The following INPP4B variants were observed in gnomAD, a reference collection of about 807,000 sequenced individuals.
INPP4B encodes the protein inositol polyphosphate-4-phosphatase type II B, also known as inositol polyphosphate 4-phosphatase type II.
In INPP4B, 55 loss-of-function variants were observed where a neutral mutation model predicts 122.5. That is an observed-to-expected ratio of 0.45 (90% CI 0.36 to 0.56). The LOEUF (loss-of-function observed/expected upper bound fraction) is 0.56. Ranked by LOEUF, INPP4B falls within the 20% of genes least tolerant of loss-of-function variation. The pLI is 0.00. For synonymous variants in INPP4B, 403 were observed against 388.7 expected, an observed-to-expected ratio of 1.04 and a Z score of -0.43; for missense variants, 1,000 against 1,097.7, an observed-to-expected ratio of 0.91 and a Z score of 1.26.
intron 5 of INPP4B, among the ~76,000 whole-genome samples, chr4:142,406,012 C>T (rs1462127996): frequency 1.3e-5 from 2 of 152,172 alleles, no homozygotes; most frequent in African/African-American, 4.8e-5. Context: ...CGCCACCATA[C>T]CATATTTACT....
At chr4:142,505,564 A>G (rs1164885183) in intron 2 of INPP4B, among the ~76,000 whole-genome samples, 2 of 150,610 alleles carry the variant, frequency 1.3e-5, no homozygotes, top group East Asian at 3.9e-4. Flanking sequence ...AAATGCAACA[A>G]TGTAATTAAA....
At position 142,554,200 on chromosome 4, in the gene INPP4B, A is replaced by AAAAAAG. The variant is rs1553958063; in HGVS notation, c.-190-91480_-190-91475dup. 2.3e-3 allele frequency among the ~76,000 whole-genome samples: 324 copies of AAAAAAG among 137,892 alleles called. 3 individuals carry two copies. Among genetic ancestry groups the AAAAAAG allele is most frequent in the Middle Eastern group, 4.0e-3 (1 of 248 alleles). 90.5% of individuals were successfully genotyped at this position (137,892 alleles called of 152,430 possible). ...TGAAACTCCATCTCAAAAAAAAAAA[A>AAAAAAG]AAAAAGAAAAAGAAAAAAGCCAGAG... On this transcript the variant is annotated intron_variant, in intron 2 of 25. Transcript: ENST00000262992.
chr4:142,548,802 G>A (rs6826090), intron 2 of INPP4B, among the ~76,000 whole-genome samples: 89,816 of 151,502 alleles, frequency 0.59, 28,061 homozygotes, highest in Non-Finnish European at 0.7. Context: ...TTAATTTAAC[G>A]TTTTGACAGA....
At chr4:142,693,015 A>G (rs528157601) in intron 2 of INPP4B, among the ~76,000 whole-genome samples, 2 of 152,200 alleles carry the variant, frequency 1.3e-5, no homozygotes, top group African/African-American at 4.8e-5. Context: ...CCTTAAAAAA[A>G]AAAAAAGAGA....
intron 25 of INPP4B, among the ~76,000 whole-genome samples, chr4:142,080,197 T>C (rs1773167731): frequency 6.6e-6 from 1 of 152,116 alleles, no homozygotes; most frequent in Non-Finnish European, 1.5e-5. Context: ...GTATGGCATA[T>C]AGCCTGGATT....
chr4:142,737,961 A>G (rs990458718), intron 1 of INPP4B, among the ~76,000 whole-genome samples: 9 of 152,216 alleles, frequency 5.9e-5, no homozygotes, highest in Non-Finnish European at 1.3e-4. Context: ...AGAAACCAAC[A>G]GGTGCTGGAG....
chr4:142,193,071 T>C lies in INPP4B; in HGVS notation c.1181+16A>G. On this transcript the variant is annotated intron_variant, in intron 15 of 25. Coordinates refer to ENST00000262992, the MANE Select transcript of INPP4B (RefSeq NM_001101669.3). ...GTTATTAATGGAATCTGTGCTTTCC[T>C]CCTGTCTTTACTTACTTTCTTCTTT... is the stretch of plus-strand genomic sequence containing the variant. The C allele has an allele frequency of 1.4e-6, 2 of 1,460,036 alleles. No homozygotes were observed. Among genetic ancestry groups the C allele is most frequent in the South Asian group, 2.3e-5 (2 of 87,780 alleles). The allele number at this position is 1,460,036 out of a possible 1,614,324, so 90.4% of individuals were successfully genotyped here. A position where few individuals can be genotyped will look rare whatever the true frequency, so the allele number is the denominator to read the frequency against.
At chr4:142,241,030 C>T (rs1339293274) in intron 11 of INPP4B, among the ~76,000 whole-genome samples, 1 of 152,096 alleles carries the variant, frequency 6.6e-6, no homozygotes, top group Non-Finnish European at 1.5e-5. Flanking sequence ...ATAGCATACA[C>T]ACTCTGCTCA....
chr4:142,194,516 C>T (rs540159513), intron 14 of INPP4B, among the ~76,000 whole-genome samples: 1 of 152,276 alleles, frequency 6.6e-6, no homozygotes, highest in South Asian at 2.1e-4. Flanking sequence ...CCCAAAGTTA[C>T]CAACATTATG....
At chr4:142,354,249 G>A (rs1488301876) in intron 7 of INPP4B, among the ~76,000 whole-genome samples, 2 of 151,952 alleles carry the variant, frequency 1.3e-5, no homozygotes, top group Non-Finnish European at 2.9e-5. Context: ...CTCAGCAAAT[G>A]TGTATGCTGA....
chr4:142,101,522 A>G (rs1306283292), intron 23 of INPP4B, among the ~76,000 whole-genome samples: 1 of 152,146 alleles, frequency 6.6e-6, no homozygotes, highest in Non-Finnish European at 1.5e-5. Flanking sequence ...ATCCTTTTCT[A>G]GTACAAGGTA....
chr4:142,094,209 G>C (rs1193868690), intron 23 of INPP4B, among the ~76,000 whole-genome samples: 1 of 152,180 alleles, frequency 6.6e-6, no homozygotes, highest in Non-Finnish European at 1.5e-5. Flanking sequence ...CGATAGAGCA[G>C]AGTGGGAAAG....
chr4:142,463,202 G>A (rs576866709), intron 2 of INPP4B, among the ~76,000 whole-genome samples: 1 of 152,146 alleles, frequency 6.6e-6, no homozygotes, highest in Non-Finnish European at 1.5e-5. Flanking sequence ...GTATGCATGA[G>A]GCCTTAGGCT....
At chr4:142,840,299 T>G (rs1304671797) in intron 1 of INPP4B, among the ~76,000 whole-genome samples, 1 of 152,164 alleles carries the variant, frequency 6.6e-6, no homozygotes, top group Non-Finnish European at 1.5e-5. Flanking sequence ...AGTCTTTGAC[T>G]CCTAGAAAAA....
At chr4:142,212,540 A>G (rs892114913) in intron 12 of INPP4B, among the ~76,000 whole-genome samples, 3 of 152,012 alleles carry the variant, frequency 2.0e-5, no homozygotes, top group Non-Finnish European at 2.9e-5. Context: ...CCTTGCTCAG[A>G]TTTTGTGGCA....
chr4:142,534,624 TTATAAG>T (rs1286727132), intron 2 of INPP4B, among the ~76,000 whole-genome samples: 4 of 151,556 alleles, frequency 2.6e-5, no homozygotes, highest in Admixed American at 6.6e-5. Context: ...GCCTATATAT[TTATAAG>T]TATAATTACT....
At chr4:142,260,286 C>A (rs1387981087) in intron 11 of INPP4B, among the ~76,000 whole-genome samples, 1 of 152,014 alleles carries the variant, frequency 6.6e-6, no homozygotes, top group Non-Finnish European at 1.5e-5. Flanking sequence ...GCCTGGCTGA[C>A]CATATTTGTT....
At chr4:142,124,791 T>C (rs1283976662) in intron 18 of INPP4B, 31 bp from the exon 19 acceptor site, 2 of 1,437,206 alleles carry the variant, frequency 1.4e-6, no homozygotes, top group Non-Finnish European at 1.9e-6. Flanking sequence ...AACAGTGCAA[T>C]AGATGAAGGA....
rs574921378 is a variant in INPP4B, at chr4:142,028,233, T to G, written c.*549A>C. The G allele has an allele frequency of 1.3e-5, 3 of 227,532 alleles. No individual in the cohort carries two copies. In the East Asian group the frequency reaches 1.9e-4, roughly 14 times the overall value. 14.1% of individuals were successfully genotyped at this position (227,532 alleles called of 1,614,324 possible). On this transcript the variant is annotated 3_prime_UTR_variant, in exon 26 of 26. Coordinates refer to ENST00000262992, the MANE Select transcript of INPP4B (RefSeq NM_001101669.3). The stretch of plus-strand genomic sequence containing the variant: ...ACCTTGACTGGATGATAGAGATCAT[T>G]GTGGAACATACCTGCAAACTGCCTC...
Sources: allele counts gnomAD v4.1 joint callset (sites outside exome capture counted in the v4.1 genomes callset), GRCh38; gene constraint gnomAD v4.1.1; transcripts MANE v1.5; gene names NCBI Gene and HGNC (gene_info 2026-07-23, HGNC 2026-07-21).